The following GRIK2 variants were observed in gnomAD, a reference collection of about 807,000 sequenced individuals.
GRIK2 encodes glutamate receptor ionotropic, kainate 2.
Under a neutral mutation model 100.3 loss-of-function variants are expected in GRIK2, and 32 were observed. That is an observed-to-expected ratio of 0.32 (90% CI 0.24 to 0.43). The LOEUF (loss-of-function observed/expected upper bound fraction) is 0.43. GRIK2 is among the 20% of genes least tolerant of loss of function. The pLI is 1.00. For synonymous variants in GRIK2, 417 were observed against 389.4 expected (o/e 1.07, Z -0.83); for missense variants, 843 against 1,114.9 (o/e 0.76, Z 3.47).
At chr6:101,850,868 A>G (rs938543361) in intron 10 of GRIK2, among the ~76,000 whole-genome samples, 60 of 152,182 alleles carry the variant, frequency 3.9e-4, no homozygotes, top group African/African-American at 1.4e-3. Flanking sequence ...TGAACTTGGT[A>G]TGTGATGCAG....
Position 101,741,588 on chromosome 6 carries a change from A to C in GRIK2, c.951+55235A>C, listed in dbSNP as rs183644799. 1.8e-3 allele frequency among the ~76,000 whole-genome samples: 271 copies of C among 152,258 alleles called. 2 individuals are homozygous for C. The highest frequency in any genetic ancestry group is 5.9e-3 in the African/African-American group (247 of 41,554). The stretch of plus-strand genomic sequence containing the variant: ...AAAGGGCATCAGTGGAAACGTATGG[A>C]AAGTTTATTGGGCTTTTTGATGCTA... On this transcript the variant is annotated intron_variant, in intron 7 of 16. Coordinates refer to ENST00000369134, the MANE Select transcript of GRIK2 (RefSeq NM_021956.5).
intron 2 of GRIK2, among the ~76,000 whole-genome samples, chr6:101,418,440 T>C (rs965073434): frequency 2.6e-5 from 4 of 152,174 alleles, no homozygotes; most frequent in South Asian, 2.1e-4. Context: ...CTATCGACAT[T>C]TGTAAAACCT....
At position 102,030,262 on chromosome 6, in the gene GRIK2, T is replaced by G. The variant is rs13437286; in HGVS notation, c.2086-5079T>G. 7.1e-3 allele frequency among the ~76,000 whole-genome samples: 1,080 copies of G among 151,320 alleles called. 14 individuals carry two copies. The highest frequency in any genetic ancestry group is 0.025 in the African/African-American group (1,044 of 41,412). ...TGATTGTTCTTTCTTTTTCTGACAT[T>G]TTAAACCTCTCCTTTCTTTTGAAAC... On this transcript the variant is annotated intron_variant, in intron 14 of 16. Coordinates refer to ENST00000369134, the MANE Select transcript of GRIK2 (RefSeq NM_021956.5).
chr6:101,448,324 T>C (rs17061980), intron 2 of GRIK2, among the ~76,000 whole-genome samples: 16,631 of 151,648 alleles, frequency 0.11, 979 homozygotes, highest in African/African-American at 0.14. Flanking sequence ...TTGATAAATA[T>C]ATTTTGCAAG....
At chr6:101,810,255 A>T (rs1406317919) in intron 9 of GRIK2, among the ~76,000 whole-genome samples, 3 of 151,994 alleles carry the variant, frequency 2.0e-5, no homozygotes, top group Non-Finnish European at 2.9e-5. Flanking sequence ...AACATTATTT[A>T]AAAAATCAAA....
chr6:101,870,118 T>G (rs1318686386), intron 11 of GRIK2, among the ~76,000 whole-genome samples: 2 of 151,942 alleles, frequency 1.3e-5, no homozygotes, highest in Non-Finnish European at 2.9e-5. Context: ...AATGAATGAT[T>G]TTGATACCTT....
Position 101,486,818 on chromosome 6 carries a change from C to G in GRIK2, c.115+87426C>G, listed in dbSNP as rs1288993828. Among the ~76,000 whole-genome samples, 2 of 146,692 alleles carry G rather than the reference C, an allele frequency of 1.4e-5. 1 individual carries two copies. Among genetic ancestry groups the G allele is most frequent in the Non-Finnish European group, 3.0e-5 (2 of 66,788 alleles). Reference sequence around the variant, plus strand: ...GAGGTATTTTGATTTACAAGTGTCTCTCTCAGTAACGAAGTATATGAAATA... The same window carrying G: ...GAGGTATTTTGATTTACAAGTGTCTGTCTCAGTAACGAAGTATATGAAATA... On this transcript the variant is annotated intron_variant, in intron 2 of 16. Coordinates refer to ENST00000369134, the MANE Select transcript of GRIK2 (RefSeq NM_021956.5).
At chr6:101,654,668 A>G (rs1035295090) in intron 4 of GRIK2, among the ~76,000 whole-genome samples, 1 of 152,118 alleles carries the variant, frequency 6.6e-6, no homozygotes, top group African/African-American at 2.4e-5. Context: ...TTCTATCTCA[A>G]CTAGGCTACT....
chr6:101,786,997 C>T (rs1236844095), intron 7 of GRIK2, among the ~76,000 whole-genome samples: 3 of 151,970 alleles, frequency 2.0e-5, no homozygotes, highest in Non-Finnish European at 4.4e-5. Flanking sequence ...TTTTGTTACT[C>T]TTATTAGCCT....
intron 4 of GRIK2, among the ~76,000 whole-genome samples, chr6:101,645,043 G>A (rs1024795342): frequency 1.3e-5 from 2 of 151,436 alleles, no homozygotes; most frequent in Admixed American, 6.6e-5. Context: ...CAATAGGAAC[G>A]GCAATAAACT....
chr6:102,030,141 C>G (rs547373064), intron 14 of GRIK2, among the ~76,000 whole-genome samples: 57 of 151,238 alleles, frequency 3.8e-4, no homozygotes, highest in Admixed American at 1.6e-3. Context: ...GAATGTAAAA[C>G]AAGTTGAACT....
At chr6:101,729,691 AAGAGAG>A (rs150655159) in intron 7 of GRIK2, among the ~76,000 whole-genome samples, 1 of 149,746 alleles carries the variant, frequency 6.7e-6, no homozygotes, top group Non-Finnish European at 1.5e-5. Flanking sequence ...GTGGTGTGGG[AAGAGAG>A]AGAGAGAGAG....
At chr6:101,826,198 T>C (rs1044091863) in intron 10 of GRIK2, among the ~76,000 whole-genome samples, 1 of 152,090 alleles carries the variant, frequency 6.6e-6, no homozygotes, top group Non-Finnish European at 1.5e-5. Flanking sequence ...CAAGAACATT[T>C]TGAACAAATG....
chr6:101,749,676 T>C (rs1263517782), intron 7 of GRIK2, among the ~76,000 whole-genome samples: 1 of 152,162 alleles, frequency 6.6e-6, no homozygotes, highest in Admixed American at 6.5e-5. Flanking sequence ...CTCTTTTTGG[T>C]AAATAAGCAA....
At chr6:101,747,666 C>T (rs1776506189) in intron 7 of GRIK2, among the ~76,000 whole-genome samples, 1 of 149,938 alleles carries the variant, frequency 6.7e-6, no homozygotes, top group Non-Finnish European at 1.5e-5. Flanking sequence ...AGATTAATAG[C>T]ACTATTTTAT....
At chr6:101,408,703 C>G (rs1361101920) in intron 2 of GRIK2, among the ~76,000 whole-genome samples, 1 of 152,024 alleles carries the variant, frequency 6.6e-6, no homozygotes, top group Non-Finnish European at 1.5e-5. Flanking sequence ...TGAAACCCAC[C>G]CACATTACGG....
chr6:101,632,821 G>C (rs540631605), intron 4 of GRIK2, among the ~76,000 whole-genome samples: 96 of 152,170 alleles, frequency 6.3e-4, no homozygotes, highest in African/African-American at 2.3e-3. Flanking sequence ...AGTGCACAGA[G>C]AGGCAAGAAA....
At chr6:101,634,789 A>G (rs1780926142) in intron 4 of GRIK2, among the ~76,000 whole-genome samples, 1 of 151,906 alleles carries the variant, frequency 6.6e-6, no homozygotes, top group African/African-American at 2.4e-5. Flanking sequence ...TGATACGATC[A>G]CAGGAAAAAA....
chr6:101,479,155 T>C (rs961596408), intron 2 of GRIK2, among the ~76,000 whole-genome samples: 7 of 152,210 alleles, frequency 4.6e-5, no homozygotes, highest in Admixed American at 2.6e-4. Context: ...TCTAGACATG[T>C]CCAAGCTCTC....
Sources: allele counts gnomAD v4.1 joint callset (sites outside exome capture counted in the v4.1 genomes callset), GRCh38; gene constraint gnomAD v4.1.1; transcripts MANE v1.5; gene names NCBI Gene and HGNC (gene_info 2026-07-23, HGNC 2026-07-21).